Variants in RNF20 observed in about 807,000 individuals in gnomAD.
RNF20 encodes ring finger protein 20, also known as E3 ubiquitin-protein ligase BRE1A.
A neutral mutation model predicts 126.2 loss-of-function variants in RNF20; 84 were observed. The ratio of observed to expected loss-of-function variants is 0.67; its 90% CI spans 0.56 to 0.80. The LOEUF is 0.80. Among genes scored for constraint, RNF20 ranks in the 30% least tolerant of loss-of-function variants. RNF20 has a pLI of 0.00. For missense variants in RNF20, 869 were observed against 1,188.2 expected, an observed-to-expected ratio of 0.73 and a Z score of 3.95; for synonymous variants, 400 against 414.3, an observed-to-expected ratio of 0.97 and a Z score of 0.42.
At chr9:101,555,454 A>C (rs62575844) in intron 15 of RNF20, among the ~76,000 whole-genome samples, 3 of 152,188 alleles carry the variant, frequency 2.0e-5, no homozygotes, top group African/African-American at 7.2e-5. Context: ...TTTAAATGCC[A>C]GGGAATTTTT....
Position 101,554,670 on chromosome 9 carries a change from T to A in RNF20, c.2020-24T>A, listed in dbSNP as rs41282149. Reference sequence around the variant, plus strand: ...AAAATGTGTTATAACTTTTTATTTTTGTGCAATTCCTTTCCTCTTATAGTT... The same window carrying A: ...AAAATGTGTTATAACTTTTTATTTTAGTGCAATTCCTTTCCTCTTATAGTT... On this transcript the variant is annotated intron_variant, in intron 14 of 19. Coordinates refer to ENST00000389120, the MANE Select transcript of RNF20 (RefSeq NM_019592.7). 0.059 allele frequency: 94,294 copies of A among 1,602,664 alleles called. 3,021 individuals are homozygous for A. The highest frequency in any genetic ancestry group is 0.076 in the South Asian group (6,861 of 89,832).
At chr9:101,561,446 T>G in intron 18 of RNF20, 1 of 508,820 alleles carries the variant, frequency 2.0e-6, no homozygotes, top group Non-Finnish European at 3.4e-6. Context: ...AAATATTTGT[T>G]AAATTAATGA....
At position 101,550,757 on chromosome 9, in the gene RNF20, C is replaced by G; in HGVS notation, c.1244C>G (p.Thr415Ser). ...ACCCTGCTTCATGGCACCAGAGGAA[C>G]CCACCAGCACCAGGTTGAGCTTATT... ...ARTLLHGTRG[T>S]HQHQVELIER... The change falls in exon 10 of 20, where the codon ACC becomes AGC. Residue 415 changes from threonine (T) to serine (S), a missense_variant. By Grantham distance (58) the Thr-to-Ser change is moderately conservative (BLOSUM62 1). This residue lies in a region of RNF20 where 153 missense variants were observed against 226.4 expected (regional missense o/e 0.68). Coordinates refer to ENST00000389120, the MANE Select transcript of RNF20 (RefSeq NM_019592.7). 6.2e-7 allele frequency: 1 copy of G among 1,614,148 alleles called. No individual in the cohort carries two copies. Among genetic ancestry groups the G allele is most frequent in the Non-Finnish European group, 8.5e-7 (1 of 1,180,000 alleles).
chr9:101,540,139 T>G, intron 2 of RNF20, 64 bp from the exon 3 acceptor site: 3 of 1,462,246 alleles, frequency 2.1e-6, no homozygotes, highest in Non-Finnish European at 2.8e-6. Flanking sequence ...GTGACCTTGT[T>G]GAGTTTAACG....
intron 9 of RNF20, among the ~76,000 whole-genome samples, chr9:101,548,073 TA>T (rs879380843): frequency 2.0e-5 from 3 of 151,836 alleles, no homozygotes; most frequent in Admixed American, 6.6e-5. Context: ...ACAATACCAT[TA>T]AAAAAAATTG....
Position 101,540,933 on chromosome 9 carries a change from C to A in RNF20, c.586C>A (p.Gln196Lys). The A allele has an allele frequency of 6.2e-7, 1 of 1,613,836 alleles. No individual in the cohort carries two copies. Among genetic ancestry groups the A allele is most frequent in the Non-Finnish European group, 8.5e-7 (1 of 1,179,956 alleles). Residue 196 changes from glutamine to lysine, a missense_variant, in exon 5 of 20, where the codon CAA (glutamine) becomes AAA (lysine). This residue lies in a region of RNF20 where 103 missense variants were observed against 94.3 expected (regional missense o/e 1.09). Coordinates refer to ENST00000389120, the MANE Select transcript of RNF20 (RefSeq NM_019592.7). ...SQIVTVYDKL[Q>K]EKVELLSRKL... is the part of the protein sequence containing the mutation. ...GATTGTGACTGTTTATGATAAATTG[C>A]AAGAAAAAGTGGAGCTCTTATCCCG...
chr9:101,557,296 A>G, intron 15 of RNF20, 88 bp from the exon 16 acceptor site: 2 of 908,124 alleles, frequency 2.2e-6, no homozygotes, highest in Admixed American at 2.3e-5. Flanking sequence ...TTATATCTAA[A>G]TGAACAGTGG....
intron 6 of RNF20, among the ~76,000 whole-genome samples, chr9:101,545,739 A>G (rs1827336262): frequency 6.6e-6 from 1 of 152,222 alleles, no homozygotes; most frequent in Non-Finnish European, 1.5e-5. Flanking sequence ...TAGTAAGAAA[A>G]TAGAATATTT....
chr9:101,554,997 A>G lies in RNF20; in HGVS notation c.2169+154A>G, dbSNP rs184470833. Among the ~76,000 whole-genome samples the G allele has an allele frequency of 7.9e-5, 12 of 152,136 alleles. No homozygotes were observed. In the East Asian group the frequency reaches 2.1e-3, roughly 27 times the overall value. ...GTGTGTGTTTTAATTCTTACCTTCAAGTCTTTTATCTTTCTGTTATTTTGT... is the reference window on the plus strand; with the variant it reads ...GTGTGTGTTTTAATTCTTACCTTCAGGTCTTTTATCTTTCTGTTATTTTGT... On this transcript the variant is annotated intron_variant, in intron 15 of 19. Coordinates refer to ENST00000389120, the MANE Select transcript of RNF20 (RefSeq NM_019592.7).
In RNF20 at chr9:101,544,749, A is replaced by G. The variant is rs1827321779; in HGVS notation, c.629-18A>G. 1 of 1,492,498 alleles carries G rather than the reference A, an allele frequency of 6.7e-7. No individual in the cohort carries two copies. Among genetic ancestry groups the G allele is most frequent in the Admixed American group, 1.7e-5 (1 of 59,640 alleles). 92.5% of individuals were successfully genotyped at this position (1,492,498 alleles called of 1,614,324 possible). A position where few individuals can be genotyped will look rare whatever the true frequency, so the allele number is the denominator to read the frequency against. ...GACACTCTAGATGCTAAATTAAAGT[A>G]TAGTTCTTCTTCCCCAGATAATCTG... is the stretch of plus-strand genomic sequence containing the variant. On this transcript the variant is annotated intron_variant, in intron 5 of 19. Transcript: ENST00000389120.
At chr9:101,550,944 G>A (rs1220066916) in intron 10 of RNF20, among the ~76,000 whole-genome samples, 159 bp downstream of exon 10, 1 of 152,170 alleles carries the variant, frequency 6.6e-6, no homozygotes, top group Non-Finnish European at 1.5e-5. Flanking sequence ...ATAAAGATGA[G>A]ATGACAAAAT....
In RNF20 at chr9:101,552,162, G is replaced by A; in HGVS notation, c.1430G>A (p.Arg477His). The A allele has an allele frequency of 1.2e-6, 2 of 1,614,016 alleles. No individual in the cohort carries two copies. Among genetic ancestry groups the A allele is most frequent in the Non-Finnish European group, 1.7e-6 (2 of 1,180,000 alleles). ...TAAGGCCCTATAAACAGGGAGATGC[G>A]CCACCTCATCAGTAGCCTCCAGAAT... The part of the protein sequence containing the change: ...EQAGPINREM[R>H]HLISSLQNHN... The change falls in exon 12 of 20, where the codon CGC becomes CAC. Residue 477 changes from arginine to histidine, a missense_variant. Physicochemically the swap from Arg to His is conservative, Grantham distance 29. Coordinates refer to ENST00000389120, the MANE Select transcript of RNF20 (RefSeq NM_019592.7).
intron 4 of RNF20, 60 bp from the exon 5 acceptor site, chr9:101,540,733 A>C (rs1366283409): frequency 6.3e-7 from 1 of 1,590,850 alleles, no homozygotes; most frequent in African/African-American, 1.4e-5. Context: ...AAAAAAATGG[A>C]TTTTGTTATT....
rs1827364829 is a variant in RNF20 at position 101,547,188 on chromosome 9, G to A, written c.946G>A (p.Gly316Ser). ...TGGAGCGGGGAGCAGTCTGTATGGCGGCACAATCACTATCAATGCTCGGAA... is the reference window on the plus strand; with the variant it reads ...TGGAGCGGGGAGCAGTCTGTATGGCAGCACAATCACTATCAATGCTCGGAA... ...VYGAGSSLYG[G>S]TITINARKFE... Residue 316 changes from glycine to serine, a missense_variant, in exon 8 of 20, where the codon GGC (glycine) becomes AGC (serine). Transcript: ENST00000389120. 3 of 1,613,944 alleles carry A rather than the reference G, an allele frequency of 1.9e-6. No homozygotes were observed. Among genetic ancestry groups the A allele is most frequent in the Non-Finnish European group, 2.5e-6 (3 of 1,179,990 alleles).
At chr9:101,554,920 C>A in intron 15 of RNF20, 77 bp downstream of exon 15, 1 of 1,226,558 alleles carries the variant, frequency 8.2e-7, no homozygotes, top group Non-Finnish European at 1.1e-6. Flanking sequence ...GTGAAATTTG[C>A]TTTTTTATTT....
rs572533437 is a variant in RNF20 at position 101,558,726 on chromosome 9, T to C, written c.2382+1130T>C. 6.6e-4 allele frequency among the ~76,000 whole-genome samples: 101 copies of C among 152,340 alleles called. 1 individual carries two copies. Among genetic ancestry groups the C allele is most frequent in the African/African-American group, 2.1e-3 (88 of 41,580 alleles). ...TTCTTTTGAGAATTGTATATTCATG[T>C]CCTTAGCCCACTTTTTGGTGGGATT... On this transcript the variant is annotated intron_variant, in intron 16 of 19. Coordinates refer to ENST00000389120, the MANE Select transcript of RNF20 (RefSeq NM_019592.7).
At chr9:101,560,994 T>C (rs1276841334) in intron 17 of RNF20, 68 bp downstream of exon 17, 3 of 1,597,566 alleles carry the variant, frequency 1.9e-6, no homozygotes, top group Non-Finnish European at 2.6e-6. Flanking sequence ...GTTGAGATTG[T>C]AAGTTCGCTT....
intron 2 of RNF20, among the ~76,000 whole-genome samples, chr9:101,539,921 TG>T (rs1827233493): frequency 6.6e-6 from 1 of 151,786 alleles, no homozygotes; most frequent in Admixed American, 6.6e-5. Context: ...TCTAGCTGGA[TG>T]GTGGCCTTAA....
At chr9:101,545,634 A>G (rs749990297) in intron 6 of RNF20, among the ~76,000 whole-genome samples, 10 of 152,236 alleles carry the variant, frequency 6.6e-5, no homozygotes, top group Non-Finnish European at 1.2e-4. Flanking sequence ...GCCTGGTTGC[A>G]TGAATATCAT....
Sources: allele counts gnomAD v4.1 joint callset (sites outside exome capture counted in the v4.1 genomes callset), GRCh38; gene constraint gnomAD v4.1.1; regional missense constraint gnomAD v4.1.1; transcripts MANE v1.5; gene names NCBI Gene and HGNC (gene_info 2026-07-23, HGNC 2026-07-21).